Variants in RNF13 observed in about 807,000 individuals in gnomAD.
The protein encoded by RNF13 is E3 ubiquitin-protein ligase RNF13.
Under a neutral mutation model 37.7 loss-of-function variants are expected in RNF13, and 19 were observed. That is an observed-to-expected ratio of 0.50 (90% CI 0.35 to 0.74). The LOEUF is 0.74. Ranked by LOEUF, RNF13 falls within the 30% of genes least tolerant of loss-of-function variation. The pLI, the probability that RNF13 is intolerant of heterozygous loss-of-function variation, is 0.01. For missense variants in RNF13, 375 were observed against 453.0 expected, an observed-to-expected ratio of 0.83 and a Z score of 1.56; for synonymous variants, 144 against 157.8, an observed-to-expected ratio of 0.91 and a Z score of 0.65.
chr3:149,829,499 A>G (rs532385307), intron 1 of RNF13, among the ~76,000 whole-genome samples: 1 of 152,322 alleles, frequency 6.6e-6, no homozygotes, highest in African/African-American at 2.4e-5. Flanking sequence ...TGCATAGGTG[A>G]AAAAATTTTG....
chr3:149,837,186 G>C (rs2073441541), intron 1 of RNF13, among the ~76,000 whole-genome samples: 1 of 152,182 alleles, frequency 6.6e-6, no homozygotes, highest in African/African-American at 2.4e-5. Flanking sequence ...CTTCTGAAAA[G>C]ATCACTGAAG....
intron 8 of RNF13, among the ~76,000 whole-genome samples, chr3:149,927,667 G>T (rs2125100): frequency 0.9 from 136,524 of 152,268 alleles, 61,266 homozygotes; most frequent in African/African-American, 0.93. Flanking sequence ...CTAATGGGTA[G>T]GAAGTGGTAC....
chr3:149,888,664 T>C (rs1000893467), intron 4 of RNF13, among the ~76,000 whole-genome samples: 2 of 152,236 alleles, frequency 1.3e-5, no homozygotes, highest in East Asian at 1.9e-4. Flanking sequence ...TTTACATGAA[T>C]ATCCAGACTC....
chr3:149,937,495 A>G (rs1719817347), intron 8 of RNF13, among the ~76,000 whole-genome samples: 1 of 152,174 alleles, frequency 6.6e-6, no homozygotes, highest in Admixed American at 6.5e-5. Context: ...TGGAATATTG[A>G]TGGTGATAAT....
At chr3:149,926,307 G>A (rs1278658872) in intron 8 of RNF13, among the ~76,000 whole-genome samples, 1 of 152,118 alleles carries the variant, frequency 6.6e-6, no homozygotes, top group Non-Finnish European at 1.5e-5. Context: ...CGCCTCCCGA[G>A]TTCACACTAT....
intron 8 of RNF13, among the ~76,000 whole-genome samples, chr3:149,941,665 T>C (rs1055737194): frequency 1.3e-5 from 2 of 151,756 alleles, no homozygotes; most frequent in Non-Finnish European, 1.5e-5. Context: ...CTGTCGATCA[T>C]GTCTGTTTAT....
At chr3:149,913,066 T>C (rs1283319269) in intron 7 of RNF13, among the ~76,000 whole-genome samples, 1 of 152,184 alleles carries the variant, frequency 6.6e-6, no homozygotes. Flanking sequence ...TCATATTCAG[T>C]ACATTTATTA....
chr3:149,924,285 T>A (rs1354994524), intron 8 of RNF13, among the ~76,000 whole-genome samples: 1 of 152,128 alleles, frequency 6.6e-6, no homozygotes, highest in East Asian at 1.9e-4. Flanking sequence ...ATTTCAGATG[T>A]CTATTAGATG....
chr3:149,844,397 CATGTAAA>C (rs1486992812), intron 1 of RNF13, among the ~76,000 whole-genome samples: 4 of 152,286 alleles, frequency 2.6e-5, no homozygotes, highest in African/African-American at 9.6e-5. Flanking sequence ...TGTGACAACA[CATGTAAA>C]ATGTTTACCA....
intron 6 of RNF13, among the ~76,000 whole-genome samples, chr3:149,907,082 TCTA>T (rs1037725012): frequency 2.6e-5 from 4 of 152,226 alleles, no homozygotes; most frequent in African/African-American, 9.6e-5. Flanking sequence ...TTTCATTACA[TCTA>T]CTAACTGGTT....
In RNF13 at chr3:149,961,147, G is replaced by A; in HGVS notation, c.*43G>A. Reference sequence around the variant, plus strand: ...GTTTATTTCCCTTTAAAATGATTAGGTATATACTGTAATTTGATTTTTTGC... The same window carrying A: ...GTTTATTTCCCTTTAAAATGATTAGATATATACTGTAATTTGATTTTTTGC... On this transcript the variant is annotated 3_prime_UTR_variant, in exon 10 of 10. Coordinates refer to ENST00000392894, the MANE Select transcript of RNF13 (RefSeq NM_183381.3). The A allele has an allele frequency of 6.6e-7, 1 of 1,507,054 alleles. No homozygotes were observed. Among genetic ancestry groups the A allele is most frequent in the African/African-American group, 1.4e-5 (1 of 71,684 alleles). The allele number at this position is 1,507,054 out of a possible 1,614,324, so 93.4% of individuals were successfully genotyped here. A position where few individuals can be genotyped will look rare whatever the true frequency, so the allele number is the denominator to read the frequency against.
chr3:149,961,568 G>A lies in RNF13; in HGVS notation c.*464G>A, dbSNP rs1260422099. The A allele has an allele frequency of 6.6e-6, 2 of 305,166 alleles. No homozygotes were observed. Among genetic ancestry groups the A allele is most frequent in the African/African-American group, 2.2e-5 (1 of 44,676 alleles). The allele number at this position is 305,166 out of a possible 1,614,324, so 18.9% of individuals were successfully genotyped here. The stretch of plus-strand genomic sequence containing the variant: ...GCCAATCATTAGGGAGAGGCAACAA[G>A]GTAATTCAGCCTTTCCTCCTATCAG... On this transcript the variant is annotated 3_prime_UTR_variant, in exon 10 of 10. Coordinates refer to ENST00000392894, the MANE Select transcript of RNF13 (RefSeq NM_183381.3).
intron 4 of RNF13, among the ~76,000 whole-genome samples, chr3:149,880,865 T>C (rs905897287): frequency 2.6e-5 from 4 of 152,138 alleles, no homozygotes; most frequent in Non-Finnish European, 5.9e-5. Flanking sequence ...CTATGGAATA[T>C]TAAAAACTAT....
chr3:149,929,600 T>C (rs1225047725), intron 8 of RNF13, among the ~76,000 whole-genome samples: 1 of 152,172 alleles, frequency 6.6e-6, no homozygotes, highest in Non-Finnish European at 1.5e-5. Flanking sequence ...AAAGTGGCCA[T>C]TCTACTTTCT....
intron 2 of RNF13, among the ~76,000 whole-genome samples, 169 bp downstream of exon 2, chr3:149,846,309 A>G (rs1722637396): frequency 3.9e-5 from 6 of 152,022 alleles, no homozygotes; most frequent in Admixed American, 3.9e-4. Flanking sequence ...TCATTTGTTT[A>G]TTTATTTTTT....
intron 8 of RNF13, among the ~76,000 whole-genome samples, chr3:149,958,895 T>C (rs1010052273): frequency 1.3e-5 from 2 of 152,226 alleles, no homozygotes; most frequent in African/African-American, 4.8e-5. Flanking sequence ...CAAAACTTAG[T>C]AATTTTCATT....
At chr3:149,875,297 T>G (rs1446260400) in intron 4 of RNF13, among the ~76,000 whole-genome samples, 1 of 152,128 alleles carries the variant, frequency 6.6e-6, no homozygotes, top group East Asian at 1.9e-4. Flanking sequence ...AACTCTTTGT[T>G]GTAGACCACA....
At chr3:149,847,302 C>A (rs775369848) in intron 2 of RNF13, among the ~76,000 whole-genome samples, 4 of 152,038 alleles carry the variant, frequency 2.6e-5, no homozygotes, top group Non-Finnish European at 4.4e-5. Flanking sequence ...ACATACATGC[C>A]TATACTCTAG....
At chr3:149,924,831 T>G (rs925608519) in intron 8 of RNF13, among the ~76,000 whole-genome samples, 1 of 152,060 alleles carries the variant, frequency 6.6e-6, no homozygotes, top group Non-Finnish European at 1.5e-5. Context: ...TAAAGGAAAT[T>G]GATGTAGGTG....
Sources: allele counts gnomAD v4.1 joint callset (sites outside exome capture counted in the v4.1 genomes callset), GRCh38; gene constraint gnomAD v4.1.1; transcripts MANE v1.5; gene names NCBI Gene and HGNC (gene_info 2026-07-23, HGNC 2026-07-21).